TTF2: variants seen among roughly 807,000 people sequenced by gnomAD.
TTF2 encodes RNA polymerase II termination factor.
Under a neutral mutation model 142.4 loss-of-function variants are expected in TTF2, and 108 were observed. The ratio of observed to expected loss-of-function variants is 0.76; its 90% confidence interval spans 0.65 to 0.89. The LOEUF is 0.89. Among genes scored for constraint, TTF2 ranks in the 40% least tolerant of loss-of-function variants. The pLI is 0.00. For synonymous variants in TTF2, 483 were observed against 506.2 expected (o/e 0.95, Z 0.61); for missense variants, 1,327 against 1,379.8 (o/e 0.96, Z 0.61).
rs905526924 is a variant in TTF2, at chr1:117,086,887, T to A, written c.2160+365T>A. Among the ~76,000 whole-genome samples the A allele has an allele frequency of 6.6e-6, 1 of 152,066 alleles. No homozygotes were observed. The highest frequency in any genetic ancestry group is 1.5e-5 in the Non-Finnish European group (1 of 68,012). On this transcript the variant is annotated intron_variant, in intron 12 of 22. Coordinates refer to ENST00000369466, the MANE Select transcript of TTF2 (RefSeq NM_003594.4). This position sits in a 1 kb window ranked among gnomAD's most constrained non-coding sequence, Gnocchi z 4.2. The stretch of plus-strand genomic sequence containing the variant: ...TTTTAATATTTATTGTGCAGACTAG[T>A]ATTTTACTACTAGTATTTTGATTTT...
chr1:117,081,469 C>T (rs574704056), intron 9 of TTF2, among the ~76,000 whole-genome samples: 1 of 152,298 alleles, frequency 6.6e-6, no homozygotes, highest in South Asian at 2.1e-4. Context: ...TAGGATATAT[C>T]TACTGGACAT....
chr1:117,069,121 A>T (rs1325350357), intron 3 of TTF2, among the ~76,000 whole-genome samples: 1 of 151,914 alleles, frequency 6.6e-6, no homozygotes, highest in African/African-American at 2.4e-5. Context: ...TTACTTTTAC[A>T]TTTTTTTCCA....
chr1:117,089,260 C>T (rs1411510183), intron 13 of TTF2, among the ~76,000 whole-genome samples: 1 of 137,468 alleles, frequency 7.3e-6, no homozygotes, highest in Non-Finnish European at 1.6e-5. Context: ...CAAATATATG[C>T]TATATATATA....
rs368541601 is a variant in TTF2, at chr1:117,092,938, C to T, written c.2976+37C>T. ...CTCCTCTGTAGTAGTCGAGAGACTT[C>T]GATTCCTCACACATTTTCCTGTGTG... On this transcript the variant is annotated intron_variant, in intron 18 of 22. Transcript: ENST00000369466. The surrounding 1 kb of genome is among the most constrained non-coding windows in gnomAD (Gnocchi z 4.4). 6.8e-6 allele frequency: 11 copies of T among 1,607,452 alleles called. No homozygotes were observed. Among genetic ancestry groups the T allele is most frequent in the South Asian group, 3.3e-5 (3 of 90,256 alleles).
intron 10 of TTF2, among the ~76,000 whole-genome samples, chr1:117,083,241 CAAAAAAAAAA>C (rs937586299): frequency 1.9e-5 from 1 of 53,304 alleles, no homozygotes; most frequent in African/African-American, 6.7e-5. Flanking sequence ...GACTCCGTCT[CAAAAAAAAAA>C]AAAAAAAAAA....
chr1:117,081,599 C>T (rs564708987), intron 9 of TTF2, among the ~76,000 whole-genome samples: 2 of 152,224 alleles, frequency 1.3e-5, no homozygotes, highest in South Asian at 2.1e-4. Flanking sequence ...TTAAATTTTA[C>T]AAGAGTCATA....
At chr1:117,061,937 G>A (rs1367336291) in intron 2 of TTF2, among the ~76,000 whole-genome samples, 2 of 152,176 alleles carry the variant, frequency 1.3e-5, no homozygotes, top group African/African-American at 4.8e-5. Flanking sequence ...TTGGAAGGGA[G>A]TGATTAAAAA....
In TTF2 at chr1:117,106,078, A is replaced by G. The variant is rs897424566; in HGVS notation, c.*4554A>G. ...GGGATATTGTGCTGCTGTTTGTGAT[A>G]TAGCATCTAGACTTAGGAAAGGGCA... On this transcript the variant is annotated 3_prime_UTR_variant, in exon 23 of 23. Coordinates refer to ENST00000369466, the MANE Select transcript of TTF2 (RefSeq NM_003594.4). The G allele has an allele frequency of 6.6e-6, 1 of 152,212 alleles. No individual in the cohort carries two copies. The highest frequency in any genetic ancestry group is 2.4e-5 in the African/African-American group (1 of 41,456). The allele number at this position is 152,212 out of a possible 1,614,324, so 9.4% of individuals were successfully genotyped here.
intron 16 of TTF2, 115 bp downstream of exon 16, chr1:117,091,525 T>G: frequency 8.9e-7 from 1 of 1,124,358 alleles, no homozygotes; most frequent in Non-Finnish European, 1.3e-6. Flanking sequence ...TGGCGTTAAC[T>G]AAGACCCTCA....
rs1649375864 is a variant in TTF2, at chr1:117,098,916, T to C, written c.3344+9T>C. 2 of 1,612,226 alleles carry C rather than the reference T, an allele frequency of 1.2e-6. No homozygotes were observed. The highest frequency in any genetic ancestry group is 1.7e-5 in the Admixed American group (1 of 59,844). ...GATGTTGTCATACACAGGTAAGTAATGGTCCCCAGGACCCAGGACCCTTCT... is the reference window on the plus strand; with the variant it reads ...GATGTTGTCATACACAGGTAAGTAACGGTCCCCAGGACCCAGGACCCTTCT... On this transcript the variant is annotated intron_variant, in intron 22 of 22. Transcript: ENST00000369466.
rs940328274 is a variant in TTF2 at position 117,097,712 on chromosome 1, T to C, written c.3269+279T>C. Among the ~76,000 whole-genome samples, 25 of 152,186 alleles carry C rather than the reference T, an allele frequency of 1.6e-4. No individual in the cohort carries two copies. The highest frequency in any genetic ancestry group is 6.0e-4 in the African/African-American group (25 of 41,430). On this transcript the variant is annotated intron_variant, in intron 21 of 22. Transcript: ENST00000369466. The surrounding 1 kb of genome is among the most constrained non-coding windows in gnomAD (Gnocchi z 4.1). ...TTCCATGGAAACGGGGAGCATAGCTTTTCCTCATGGCTAAGAGTTAACCTT... is the reference window on the plus strand; with the variant it reads ...TTCCATGGAAACGGGGAGCATAGCTCTTCCTCATGGCTAAGAGTTAACCTT...
At chr1:117,068,037 AT>A (rs751538287) in intron 3 of TTF2, among the ~76,000 whole-genome samples, 2 of 152,238 alleles carry the variant, frequency 1.3e-5, no homozygotes, top group Non-Finnish European at 2.9e-5. Flanking sequence ...AAGAAAACTG[AT>A]AATCTCAGTA....
intron 13 of TTF2, among the ~76,000 whole-genome samples, chr1:117,089,220 T>C (rs537139310): frequency 1.9e-3 from 283 of 148,916 alleles, no homozygotes; most frequent in Admixed American, 3.9e-3. Flanking sequence ...TATAGGACTT[T>C]ATATATGCAA....
In TTF2 at chr1:117,090,606, G is replaced by T. The variant is rs752508018; in HGVS notation, c.2571G>T (p.Val857=). Residue 857 remains valine, a synonymous_variant, in exon 15 of 23, where the codon GTG becomes GTT. Transcript: ENST00000369466. The surrounding 1 kb of genome is among the most constrained non-coding windows in gnomAD (Gnocchi z 4.8). ...AAGATGAAGAGACTGTTTACAATGT[G>T]TTTTTTGCAAGATCAAGGTGTGTGT... is the stretch of plus-strand genomic sequence containing the variant. ...LSEDEETVYN[V]FFARSRSALQ... is the part of the protein sequence containing the mutation. 2.5e-6 allele frequency: 4 copies of T among 1,613,858 alleles called. No individual in the cohort carries two copies. Among genetic ancestry groups the T allele is most frequent in the Non-Finnish European group, 8.5e-7 (1 of 1,179,932 alleles).
In TTF2 at chr1:117,063,140, A is replaced by G. The variant is rs1655818849; in HGVS notation, c.218+667A>G. 6.6e-6 allele frequency among the ~76,000 whole-genome samples: 1 copy of G among 152,164 alleles called. No homozygotes were observed. Among genetic ancestry groups the G allele is most frequent in the Non-Finnish European group, 1.5e-5 (1 of 68,028 alleles). ...ATAGATGGTCTTTGTGTGATATTCTATGCACTTCATAATTTATATATTCTA... is the reference window on the plus strand; with the variant it reads ...ATAGATGGTCTTTGTGTGATATTCTGTGCACTTCATAATTTATATATTCTA... On this transcript the variant is annotated intron_variant, in intron 3 of 22. Transcript: ENST00000369466. This position sits in a 1 kb window ranked among gnomAD's most constrained non-coding sequence, Gnocchi z 4.1.
intron 3 of TTF2, among the ~76,000 whole-genome samples, chr1:117,069,604 G>T (rs563621134): frequency 7.2e-5 from 11 of 152,316 alleles, no homozygotes; most frequent in Admixed American, 3.3e-4. Flanking sequence ...ACCGTATGAG[G>T]TATGGACTAT....
intron 20 of TTF2, 52 bp downstream of exon 20, chr1:117,096,351 A>G: frequency 6.3e-7 from 1 of 1,575,500 alleles, no homozygotes; most frequent in Non-Finnish European, 8.6e-7. Context: ...GAGTTATACA[A>G]AGAGAATTCT....
intron 13 of TTF2, among the ~76,000 whole-genome samples, chr1:117,089,586 G>A (rs1648384105): frequency 6.6e-6 from 1 of 152,068 alleles, no homozygotes; most frequent in Non-Finnish European, 1.5e-5. Context: ...CTGCTCGAGA[G>A]GCTGAGGCAG....
At chr1:117,071,942 G>T (rs1012839921) in intron 3 of TTF2, among the ~76,000 whole-genome samples, 10 of 152,096 alleles carry the variant, frequency 6.6e-5, no homozygotes, top group African/African-American at 9.7e-5. Context: ...GGAATGTGGG[G>T]AAACCTTGCC....
Sources: gnomAD v4.1 joint callset for allele counts (sites outside exome capture counted in the v4.1 genomes callset) on GRCh38, gnomAD v4.1.1 for gene constraint, Gnocchi (gnomAD v3.1) non-coding constraint, MANE v1.5 for transcripts, NCBI Gene and HGNC (gene_info 2026-07-23, HGNC 2026-07-21) for gene names.